The following NUMA1 variants were observed in gnomAD, a reference collection of about 807,000 sequenced individuals.
NUMA1 encodes the protein SP-H antigen.
In NUMA1, 62 loss-of-function variants were observed where a neutral mutation model predicts 237.1. The observed-to-expected ratio is 0.26, with a 90% CI of 0.21 to 0.32. The LOEUF (loss-of-function observed/expected upper bound fraction) is 0.32, where lower values mean the gene tolerates loss of function less well. Ranked by LOEUF, NUMA1 falls within the 10% of genes least tolerant of loss-of-function variation. NUMA1 has a pLI of 1.00. For synonymous variants in NUMA1, 1,028 were observed against 1,066.1 expected (o/e 0.96, Z 0.70); for missense variants, 2,533 against 2,666.5 (o/e 0.95, Z 1.10).
At chr11:72,019,939 G>A (rs544971560) in intron 8 of NUMA1, among the ~76,000 whole-genome samples, 1 of 152,290 alleles carries the variant, frequency 6.6e-6, no homozygotes, top group East Asian at 1.9e-4. Context: ...ACACTGCAGA[G>A]ACGGCTTGGG....
At chr11:72,058,219 CCT>C (rs1285831100) in intron 2 of NUMA1, among the ~76,000 whole-genome samples, 1 of 152,158 alleles carries the variant, frequency 6.6e-6, no homozygotes, top group Non-Finnish European at 1.5e-5. Flanking sequence ...TCTCCCAGCC[CCT>C]TTCCATTCCT....
At chr11:72,080,113 T>C (rs1944010859) in intron 1 of NUMA1, among the ~76,000 whole-genome samples, 1 of 152,080 alleles carries the variant, frequency 6.6e-6, no homozygotes. Flanking sequence ...CTACCATAAC[T>C]ACTGCTATTG....
intron 2 of NUMA1, among the ~76,000 whole-genome samples, chr11:72,049,073 G>A (rs907157674): frequency 1.3e-5 from 2 of 152,100 alleles, no homozygotes; most frequent in Admixed American, 1.3e-4. Context: ...GGCCCACTCA[G>A]TTCTCTCTCA....
intron 4 of NUMA1, among the ~76,000 whole-genome samples, chr11:72,027,216 C>T (rs901204961): frequency 1.1e-4 from 16 of 152,156 alleles, no homozygotes; most frequent in Non-Finnish European, 2.4e-4. Context: ...CAATACAAGG[C>T]ATATTATACC....
In NUMA1 at chr11:72,007,362, G is replaced by T; in HGVS notation, c.5290C>A (p.Pro1764Thr). The change falls in exon 21 of 27, where the codon CCC becomes ACC. Residue 1764 changes from proline to threonine, a missense_variant. Coordinates refer to ENST00000393695, the MANE Select transcript of NUMA1 (RefSeq NM_006185.4). ...CTCTCCAGGGATTCTACCTTGGGGG[G>T]CAGGCGCTGGGAGATAGGTGAGGCT... ...EPASPISQRL[P>T]PKVESLESLY... is the part of the protein sequence containing the mutation. 5 of 1,613,694 alleles carry T rather than the reference G, an allele frequency of 3.1e-6. No homozygotes were observed. Among genetic ancestry groups the T allele is most frequent in the Non-Finnish European group, 4.2e-6 (5 of 1,179,854 alleles).
chr11:72,048,434 C>T (rs191537751), intron 2 of NUMA1, among the ~76,000 whole-genome samples: 2 of 152,176 alleles, frequency 1.3e-5, no homozygotes, highest in South Asian at 2.1e-4. Flanking sequence ...TACAATGGCA[C>T]GACCTCAGCT....
chr11:72,054,863 A>C (rs1942552137), intron 2 of NUMA1, among the ~76,000 whole-genome samples: 2 of 152,190 alleles, frequency 1.3e-5, no homozygotes, highest in Admixed American at 1.3e-4. Flanking sequence ...GTCTATGAGA[A>C]GATCATGCTT....
In NUMA1 at chr11:72,015,100, A is replaced by G. The variant is rs750705029; in HGVS notation, c.2403T>C (p.Ser801=). 6.2e-7 allele frequency: 1 copy of G among 1,612,868 alleles called. No individual in the cohort carries two copies. The highest frequency in any genetic ancestry group is 1.1e-5 in the South Asian group (1 of 91,036). ...CTTCTTTGACGAGCTGCTCACACTC[A>G]CTCTCAGCTGTGTGCTGGGCAGCCA... ...EAMAAQHTAE[S]ECEQLVKEVA... Residue 801 remains serine (S), a synonymous_variant, in exon 15 of 27, where the codon AGT becomes AGC. Coordinates refer to ENST00000393695, the MANE Select transcript of NUMA1 (RefSeq NM_006185.4). This position sits in a 1 kb window ranked among gnomAD's most constrained non-coding sequence, Gnocchi z 4.0.
chr11:72,038,792 C>A (rs191700747), intron 2 of NUMA1, among the ~76,000 whole-genome samples: 11 of 152,150 alleles, frequency 7.2e-5, no homozygotes, highest in East Asian at 5.8e-4. Flanking sequence ...CCGTCCCCCC[C>A]ACAACCCTCA....
At chr11:72,040,193 C>T (rs1290185679) in intron 2 of NUMA1, among the ~76,000 whole-genome samples, 1 of 152,130 alleles carries the variant, frequency 6.6e-6, no homozygotes, top group Non-Finnish European at 1.5e-5. Flanking sequence ...CTGAAGCCTC[C>T]TCTTCACACA....
chr11:72,026,965 GT>G (rs1490363110), intron 4 of NUMA1, among the ~76,000 whole-genome samples: 1 of 152,138 alleles, frequency 6.6e-6, no homozygotes, highest in Non-Finnish European at 1.5e-5. Context: ...TGCAGCCTAG[GT>G]TCAGGCAACA....
chr11:72,061,147 G>C (rs543398538), intron 2 of NUMA1, among the ~76,000 whole-genome samples: 1 of 152,172 alleles, frequency 6.6e-6, no homozygotes, highest in Non-Finnish European at 1.5e-5. Flanking sequence ...TGAGGCAGGA[G>C]GACCCCTTGA....
At chr11:72,053,518 AC>A (rs1360415044) in intron 2 of NUMA1, among the ~76,000 whole-genome samples, 1 of 152,240 alleles carries the variant, frequency 6.6e-6, no homozygotes, top group Admixed American at 6.5e-5. Context: ...CCCAGGACAC[AC>A]AGAAGAAGAC....
At chr11:72,056,655 A>AAAAAAAAAAAAAAAAAAAAAC (rs1942668674) in intron 2 of NUMA1, among the ~76,000 whole-genome samples, 1 of 129,072 alleles carries the variant, frequency 7.7e-6, no homozygotes, top group Non-Finnish European at 1.7e-5. Context: ...AAAAAAAAAA[A>AAAAAAAAAAAAAAAAAAAAAC]AAAAAGGCAA....
At chr11:72,056,493 T>C (rs1318396562) in intron 2 of NUMA1, among the ~76,000 whole-genome samples, 2 of 151,758 alleles carry the variant, frequency 1.3e-5, no homozygotes, top group Admixed American at 1.3e-4. Flanking sequence ...AGCTAATTTT[T>C]GTATTTTTAG....
In NUMA1 at chr11:72,005,296, C is replaced by G; in HGVS notation, c.5766G>C (p.Glu1922Asp). Residue 1922 changes from glutamate to aspartate, a missense_variant, in exon 23 of 27, where the codon GAG (glutamate) becomes GAC (aspartate). Coordinates refer to ENST00000393695, the MANE Select transcript of NUMA1 (RefSeq NM_006185.4). ...GGCACACTCGATTGCGCTGCTGCAG[C>G]TCTGCAATGCGGTTCCAGTCATCCA... ...EQLDDWNRIA[E>D]LQQRNRVCPP... The G allele has an allele frequency of 6.2e-7, 1 of 1,609,764 alleles. No individual in the cohort carries two copies. Among genetic ancestry groups the G allele is most frequent in the South Asian group, 1.1e-5 (1 of 90,526 alleles).
intron 22 of NUMA1, chr11:72,005,736 G>A (rs1408230261): frequency 8.0e-6 from 4 of 499,078 alleles, no homozygotes; most frequent in South Asian, 2.8e-5. Flanking sequence ...GGCCAGCCTG[G>A]CCTTTCCAGC....
At chr11:72,051,039 C>T (rs7116495) in intron 2 of NUMA1, among the ~76,000 whole-genome samples, 134,770 of 152,106 alleles carry the variant, frequency 0.89, 59,996 homozygotes, top group Non-Finnish European at 0.95. Context: ...AACAGGCACG[C>T]GCCACCACGC....
intron 23 of NUMA1, 67 bp from the exon 24 acceptor site, chr11:72,004,883 T>C: frequency 7.0e-7 from 1 of 1,435,146 alleles, no homozygotes; most frequent in South Asian, 1.4e-5. Flanking sequence ...CCTGGGGCTG[T>C]CCCAGAACTC....
Sources: gnomAD v4.1 joint callset for allele counts (sites outside exome capture counted in the v4.1 genomes callset) on GRCh38, gnomAD v4.1.1 for gene constraint, Gnocchi (gnomAD v3.1) non-coding constraint, MANE v1.5 for transcripts, NCBI Gene and HGNC (gene_info 2026-07-23, HGNC 2026-07-21) for gene names.